Variants in CDH4 observed in about 807,000 individuals in gnomAD.
CDH4 encodes the protein cadherin-4.
Under a neutral mutation model 86.0 loss-of-function variants are expected in CDH4, and 33 were observed. The observed-to-expected ratio is 0.38, with a 90% CI of 0.29 to 0.51. The LOEUF (loss-of-function observed/expected upper bound fraction) is 0.51, where lower values mean the gene tolerates loss of function less well. Among genes scored for constraint, CDH4 ranks in the 20% least tolerant of loss-of-function variants. The pLI is 0.86. For missense variants in CDH4, 1,114 were observed against 1,307.4 expected, an observed-to-expected ratio of 0.85 and a Z score of 2.28; for synonymous variants, 555 against 549.4, an observed-to-expected ratio of 1.01 and a Z score of -0.14.
intron 4 of CDH4, among the ~76,000 whole-genome samples, chr20:61,815,381 A>G (rs1449621903): frequency 6.6e-6 from 1 of 152,208 alleles, no homozygotes; most frequent in Non-Finnish European, 1.5e-5. Context: ...GGCCTCTGTG[A>G]TAACTCCAGT....
At chr20:61,779,421 C>A (rs1454330815) in intron 4 of CDH4, among the ~76,000 whole-genome samples, 1 of 152,174 alleles carries the variant, frequency 6.6e-6, no homozygotes, top group African/African-American at 2.4e-5. Flanking sequence ...GCGGAGCCTG[C>A]GAGGTGCTTA....
intron 2 of CDH4, among the ~76,000 whole-genome samples, chr20:61,647,161 C>T (rs1447186886): frequency 1.3e-5 from 2 of 152,308 alleles, no homozygotes; most frequent in East Asian, 3.9e-4. Flanking sequence ...AGTATAGCGC[C>T]AGGCACGTGT....
At chr20:61,797,921 A>C (rs1220407764) in intron 4 of CDH4, among the ~76,000 whole-genome samples, 1 of 152,208 alleles carries the variant, frequency 6.6e-6, no homozygotes, top group African/African-American at 2.4e-5. Flanking sequence ...ACCGCAGGTT[A>C]GGGCAAGCTG....
chr20:61,704,425 C>A (rs976165072), intron 2 of CDH4, among the ~76,000 whole-genome samples: 2 of 152,182 alleles, frequency 1.3e-5, no homozygotes, highest in African/African-American at 2.4e-5. Flanking sequence ...AAAGCTGGAA[C>A]CTGCTCTGGG....
intron 4 of CDH4, among the ~76,000 whole-genome samples, chr20:61,840,718 A>T (rs1982124675): frequency 1.3e-5 from 2 of 152,242 alleles, no homozygotes; most frequent in African/African-American, 4.8e-5. Flanking sequence ...GCCAGACACA[A>T]ATCAAGTGGA....
At chr20:61,771,066 A>G (rs2088770635) in intron 3 of CDH4, among the ~76,000 whole-genome samples, 1 of 141,690 alleles carries the variant, frequency 7.1e-6, no homozygotes, top group African/African-American at 2.7e-5. Flanking sequence ...GCTGGAGTGC[A>G]ATGGCACAAT....
chr20:61,766,094 C>T (rs868867604), intron 3 of CDH4, among the ~76,000 whole-genome samples: 10 of 151,978 alleles, frequency 6.6e-5, no homozygotes, highest in African/African-American at 2.2e-4. Flanking sequence ...CCTGGGCCCA[C>T]ACCTCCCTCC....
chr20:61,424,795 G>T (rs2427091), intron 2 of CDH4, among the ~76,000 whole-genome samples: 1 of 152,126 alleles, frequency 6.6e-6, no homozygotes, highest in South Asian at 2.1e-4. Context: ...CTGTGCTGTG[G>T]GCATTTGCCC....
chr20:61,701,084 G>A (rs1030234452), intron 2 of CDH4, among the ~76,000 whole-genome samples: 6 of 152,174 alleles, frequency 3.9e-5, no homozygotes, highest in Non-Finnish European at 8.8e-5. Flanking sequence ...AGAGCTCGGA[G>A]GGAAGACTCT....
intron 7 of CDH4, among the ~76,000 whole-genome samples, chr20:61,894,078 C>T (rs1984984222): frequency 6.6e-6 from 1 of 152,118 alleles, no homozygotes; most frequent in African/African-American, 2.4e-5. Flanking sequence ...CCCCAGAATC[C>T]CCCTCCCCTA....
At chr20:61,803,975 CTT>C (rs892527962) in intron 4 of CDH4, among the ~76,000 whole-genome samples, 1 of 152,240 alleles carries the variant, frequency 6.6e-6, no homozygotes, top group African/African-American at 2.4e-5. Context: ...ACGAGTGAAA[CTT>C]TTTTGTTGTG....
In CDH4 at chr20:61,653,393, C is replaced by T. The variant is rs1454237965; in HGVS notation, c.170-90170C>T. ...CTCAATCTTTTCCCCACCTTTCCCC[C>T]CTTTCTATTCCACAAAACCGCCATT... On this transcript the variant is annotated intron_variant, in intron 2 of 15. Transcript: ENST00000614565. Among the ~76,000 whole-genome samples the T allele has an allele frequency of 5.8e-5, 8 of 138,852 alleles. No individual in the cohort carries two copies. The South Asian group carries it at 6.9e-4, about 12-fold the overall frequency. 91.1% of individuals were successfully genotyped at this position (138,852 alleles called of 152,430 possible). A position where few individuals can be genotyped will look rare whatever the true frequency, so the allele number is the denominator to read the frequency against.
rs139399964 is a variant in CDH4 at position 61,758,008 on chromosome 20, C to T, written c.396+14219C>T. On this transcript the variant is annotated intron_variant, in intron 3 of 15. Transcript: ENST00000614565. ...CAGCTCTCTCTAAGACTTGGGGACACGACAGAGGACGCTGCAATGTGGTCC... is the reference window on the plus strand; with the variant it reads ...CAGCTCTCTCTAAGACTTGGGGACATGACAGAGGACGCTGCAATGTGGTCC... 7.3e-4 allele frequency among the ~76,000 whole-genome samples: 111 copies of T among 152,294 alleles called. 1 individual carries two copies. The highest frequency in any genetic ancestry group is 3.4e-3 in the Middle Eastern group (1 of 294).
chr20:61,255,069 G>A (rs2084091264), intron 2 of CDH4, 132 bp downstream of exon 2: 2 of 646,710 alleles, frequency 3.1e-6, no homozygotes, highest in Non-Finnish European at 5.6e-6. Context: ...AGTCCACGAG[G>A]TGCAAATTGG....
intron 2 of CDH4, among the ~76,000 whole-genome samples, chr20:61,492,078 G>T (rs977388445): frequency 2.6e-5 from 4 of 151,354 alleles, no homozygotes; most frequent in Admixed American, 6.6e-5. Flanking sequence ...TGTCAATATT[G>T]TTGATGGTGT....
chr20:61,769,022 C>G (rs767527142), intron 3 of CDH4, among the ~76,000 whole-genome samples: 1 of 152,188 alleles, frequency 6.6e-6, no homozygotes, highest in African/African-American at 2.4e-5. Context: ...TCTCTGCCTC[C>G]GTCTCCCGCT....
Position 61,648,738 on chromosome 20 carries a change from T to G in CDH4, c.170-94825T>G, listed in dbSNP as rs186917903. ...ATGTTGAGCCAAGTCAAACCACCAC[T>G]CTGGGTCCCAGTATTTGCATGTGTT... On this transcript the variant is annotated intron_variant, in intron 2 of 15. Transcript: ENST00000614565. Among the ~76,000 whole-genome samples the G allele has an allele frequency of 1.5e-3, 231 of 152,258 alleles. 2 individuals carry two copies. Among genetic ancestry groups the G allele is most frequent in the African/African-American group, 5.5e-3 (227 of 41,528 alleles).
At chr20:61,904,580 G>A (rs914127331) in intron 8 of CDH4, among the ~76,000 whole-genome samples, 15 of 152,182 alleles carry the variant, frequency 9.9e-5, no homozygotes, top group African/African-American at 3.6e-4. Flanking sequence ...AGCAGCAGGT[G>A]GGCACCGACC....
At chr20:61,415,722 C>A (rs1009097722) in intron 2 of CDH4, among the ~76,000 whole-genome samples, 1 of 151,892 alleles carries the variant, frequency 6.6e-6, no homozygotes, top group African/African-American at 2.4e-5. Context: ...TTTTTTTAGA[C>A]TGAGTCTTAC....
Sources: allele counts gnomAD v4.1 joint callset (sites outside exome capture counted in the v4.1 genomes callset), GRCh38; gene constraint gnomAD v4.1.1; transcripts MANE v1.5; gene names NCBI Gene and HGNC (gene_info 2026-07-23, HGNC 2026-07-21).